MTHFS: variants seen among roughly 807,000 people sequenced by gnomAD.
MTHFS encodes 5-formyltetrahydrofolate cyclo-ligase.
MTHFS carries 7 observed loss-of-function variants against 12.7 expected under a neutral mutation model. That is an observed-to-expected ratio of 0.55 (90% CI 0.31 to 1.03). The LOEUF is 1.03. Ranked by LOEUF, MTHFS falls within the 50% of genes least tolerant of loss-of-function variation. The pLI, the probability that MTHFS is intolerant of heterozygous loss-of-function variation, is 0.05. For missense variants in MTHFS, 252 were observed against 258.1 expected, an observed-to-expected ratio of 0.98 and a Z score of 0.16; for synonymous variants, 100 against 97.1, an observed-to-expected ratio of 1.03 and a Z score of -0.18.
At chr15:79,870,740 T>C (rs552095900) in intron 2 of MTHFS, among the ~76,000 whole-genome samples, 42 of 152,300 alleles carry the variant, frequency 2.8e-4, no homozygotes, top group Non-Finnish European at 4.1e-4. Context: ...CTCTATAATA[T>C]AGTAAGAAAA....
chr15:79,865,267 G>A (rs2033989080), intron 2 of MTHFS, among the ~76,000 whole-genome samples: 1 of 152,144 alleles, frequency 6.6e-6, no homozygotes. Context: ...AAAGACCTTA[G>A]CACAAATATT....
At chr15:79,872,425 T>C (rs1314499940) in intron 2 of MTHFS, among the ~76,000 whole-genome samples, 2 of 152,138 alleles carry the variant, frequency 1.3e-5, no homozygotes, top group African/African-American at 4.8e-5. Flanking sequence ...GCCCCAAAAC[T>C]GGGGTTATGC....
intron 2 of MTHFS, among the ~76,000 whole-genome samples, chr15:79,849,158 T>A (rs2033669598): frequency 6.6e-6 from 1 of 152,146 alleles, no homozygotes; most frequent in African/African-American, 2.4e-5. Flanking sequence ...GTGTTGTTGT[T>A]GTAGCCCTGC....
intron 2 of MTHFS, among the ~76,000 whole-genome samples, chr15:79,879,319 CCCTT>C (rs1301879758): frequency 1.4e-5 from 2 of 139,232 alleles, no homozygotes; most frequent in Non-Finnish European, 3.1e-5. Flanking sequence ...TAAATTATTA[CCCTT>C]TTTTTTTTTT....
In MTHFS at chr15:79,889,344, T is replaced by C. The variant is rs1948162856; in HGVS notation, c.128A>G (p.His43Arg). The C allele has an allele frequency of 6.2e-7, 1 of 1,613,418 alleles. No homozygotes were observed. The highest frequency in any genetic ancestry group is 8.5e-7 in the Non-Finnish European group (1 of 1,179,478). Residue 43 changes from histidine to arginine, a missense_variant, in exon 2 of 3, where the codon CAC becomes CGC. His to Arg is a conservative substitution (Grantham distance 29, BLOSUM62 0). Coordinates refer to ENST00000258874, the MANE Select transcript of MTHFS (RefSeq NM_006441.4). ...SRVLSQKVIA[H>R]SEYQKSKRIS... ...TCTTTTGGACTTTTGATACTCACTG[T>C]GGGCAATCACCTAAATGGGAAATTA...
intron 2 of MTHFS, among the ~76,000 whole-genome samples, chr15:79,864,562 A>T (rs1415009933): frequency 9.7e-6 from 1 of 103,274 alleles, no homozygotes; most frequent in Non-Finnish European, 2.1e-5. Flanking sequence ...AAAAAAAAAA[A>T]AAAAAAAAAA....
intron 2 of MTHFS, among the ~76,000 whole-genome samples, chr15:79,860,355 C>T (rs932367576): frequency 3.3e-5 from 5 of 151,510 alleles, no homozygotes; most frequent in Admixed American, 6.6e-5. Context: ...CACCACTGCA[C>T]TCCAGCCTGG....
In MTHFS at chr15:79,894,359, C is replaced by T. The variant is rs111475985; in HGVS notation, c.117+2513G>A. Among the ~76,000 whole-genome samples, 41 of 151,950 alleles carry T rather than the reference C, an allele frequency of 2.7e-4. 1 individual carries two copies. Among genetic ancestry groups the T allele is most frequent in the African/African-American group, 9.7e-4 (40 of 41,408 alleles). Reference sequence around the variant, plus strand: ...TCATGCCACCGCACTCCAGCCTGGGCGACAGAGCAAGACTCTGTCTTGAAA... The same window carrying T: ...TCATGCCACCGCACTCCAGCCTGGGTGACAGAGCAAGACTCTGTCTTGAAA... On this transcript the variant is annotated intron_variant, in intron 1 of 2. Transcript: ENST00000258874.
intron 2 of MTHFS, 38 bp downstream of exon 2, chr15:79,889,055 G>T: frequency 6.2e-7 from 1 of 1,606,920 alleles, no homozygotes; most frequent in South Asian, 1.1e-5. Context: ...CTAACAACTG[G>T]TCATAATCTA....
At chr15:79,864,544 C>CAAAAAAAAAAA (rs1566990932) in intron 2 of MTHFS, among the ~76,000 whole-genome samples, 1 of 23,694 alleles carries the variant, frequency 4.2e-5, no homozygotes, top group African/African-American at 2.0e-4. Context: ...GACTCCATCT[C>CAAAAAAAAAAA]AACAAAAAAA....
intron 2 of MTHFS, chr15:79,877,236 G>A (rs143676982): frequency 7.2e-5 from 11 of 151,898 alleles, no homozygotes; most frequent in African/African-American, 2.7e-4. Context: ...ACAATATCAA[G>A]AATACCAATA....
intron 2 of MTHFS, among the ~76,000 whole-genome samples, chr15:79,845,867 G>C (rs2033604893): frequency 6.6e-6 from 1 of 152,172 alleles, no homozygotes; most frequent in African/African-American, 2.4e-5. Context: ...CTGTTTCTCA[G>C]GGTCAGTGAG....
At chr15:79,895,773 TA>T (rs2034556919) in intron 1 of MTHFS, among the ~76,000 whole-genome samples, 1 of 152,148 alleles carries the variant, frequency 6.6e-6, no homozygotes, top group East Asian at 1.9e-4. Flanking sequence ...TGAATTTGAG[TA>T]AATAACGGAT....
chr15:79,885,817 C>G (rs548745405), intron 2 of MTHFS, among the ~76,000 whole-genome samples: 1 of 152,352 alleles, frequency 6.6e-6, no homozygotes, highest in African/African-American at 2.4e-5. Context: ...GTAAATGAAA[C>G]TGATATAGAT....
At chr15:79,889,891 T>C (rs1253472671) in intron 1 of MTHFS, among the ~76,000 whole-genome samples, 2 of 152,188 alleles carry the variant, frequency 1.3e-5, no homozygotes, top group Admixed American at 6.5e-5. Flanking sequence ...TTAATAATGA[T>C]GTACTGTCAT....
At chr15:79,889,465 GAA>G in intron 1 of MTHFS, 111 bp from the exon 2 acceptor site, 1 of 574,732 alleles carries the variant, frequency 1.7e-6, no homozygotes, top group African/African-American at 2.0e-5. Flanking sequence ...ATATTAAAAA[GAA>G]AAAAAAAGGG....
chr15:79,895,082 G>A (rs947591493), intron 1 of MTHFS, among the ~76,000 whole-genome samples: 2 of 152,092 alleles, frequency 1.3e-5, no homozygotes, highest in Admixed American at 6.5e-5. Flanking sequence ...CGACCTACAA[G>A]AGTGATATTA....
chr15:79,849,366 ACCAT>A (rs942217335), intron 2 of MTHFS, among the ~76,000 whole-genome samples: 11 of 152,038 alleles, frequency 7.2e-5, no homozygotes, highest in Non-Finnish European at 2.9e-5. Flanking sequence ...GTGCCTTACC[ACCAT>A]CCCCACATGC....
In MTHFS at chr15:79,847,757, A is replaced by G. The variant is rs558890074; in HGVS notation, c.380-2315T>C. ...CAACAGGCATATGAAAATATACTCA[A>G]CATCACTGATCATCAGGGAAATACA... On this transcript the variant is annotated intron_variant, in intron 2 of 2. Transcript: ENST00000258874. Among the ~76,000 whole-genome samples, 6 of 152,272 alleles carry G rather than the reference A, an allele frequency of 3.9e-5. No individual in the cohort carries two copies. The South Asian group carries it at 1.2e-3, about 32-fold the overall frequency.
Sources: gnomAD v4.1 joint callset for allele counts (sites outside exome capture counted in the v4.1 genomes callset) on GRCh38, gnomAD v4.1.1 for gene constraint, MANE v1.5 for transcripts, NCBI Gene and HGNC (gene_info 2026-07-23, HGNC 2026-07-21) for gene names.